Variants in HEPH observed in about 807,000 individuals in gnomAD.
HEPH encodes the protein hephaestin.
HEPH carries 69 observed loss-of-function variants against 80.8 expected under a neutral mutation model. The ratio of observed to expected loss-of-function variants is 0.85; its 90% confidence interval spans 0.70 to 1.04. The LOEUF (loss-of-function observed/expected upper bound fraction) is 1.04. HEPH is among the 50% of genes least tolerant of loss of function. The pLI is 0.00. For missense variants in HEPH, 1,115 were observed against 891.3 expected, an observed-to-expected ratio of 1.25 and a Z score of -3.20; for synonymous variants, 431 against 322.8, an observed-to-expected ratio of 1.34 and a Z score of -3.60.
intron 11 of HEPH, among the ~76,000 whole-genome samples, chrX:66,199,753 T>G (rs2088320159): frequency 9.0e-6 from 1 of 111,075 alleles, no homozygotes; most frequent in Admixed American, 9.6e-5. Flanking sequence ...GAAGAGAGAG[T>G]AAAGTATAGC....
At chrX:66,233,629 T>A (rs373642580) in intron 15 of HEPH, among the ~76,000 whole-genome samples, 37 of 110,899 alleles carry the variant, frequency 3.3e-4, no homozygotes, top group East Asian at 1.4e-3. Context: ...TTTAAGTAAC[T>A]CAGTGAAGAA....
At chrX:66,231,609 A>G (rs1487357011) in intron 15 of HEPH, among the ~76,000 whole-genome samples, 6 of 109,318 alleles carry the variant, frequency 5.5e-5, no homozygotes, top group Non-Finnish European at 9.5e-5. Context: ...AATGTTTGTG[A>G]TTTTTGTACA....
At chrX:66,247,203 T>C (rs1307651346) in intron 15 of HEPH, among the ~76,000 whole-genome samples, 1 of 110,811 alleles carries the variant, frequency 9.0e-6, no homozygotes, top group Non-Finnish European at 1.9e-5. Flanking sequence ...TGTGTAGATT[T>C]ACATGTTTTG....
chrX:66,195,058 C>G, intron 8 of HEPH, 40 bp from the exon 9 acceptor site: 1 of 1,089,108 alleles, frequency 9.2e-7, no homozygotes, highest in South Asian at 2.6e-5. Flanking sequence ...CCTGTTTATC[C>G]CTTTCATCAT....
At chrX:66,200,774 C>T (rs1015470269) in intron 12 of HEPH, 22 bp downstream of exon 12, 64 of 1,169,299 alleles carry the variant, frequency 5.5e-5, no homozygotes, top group Non-Finnish European at 6.4e-5. Context: ...AGCAGCTGGC[C>T]CTAGAGGCTT....
chrX:66,212,468 A>G (rs1237956940), intron 15 of HEPH, among the ~76,000 whole-genome samples: 1 of 111,267 alleles, frequency 9.0e-6, no homozygotes, highest in African/African-American at 3.3e-5. Flanking sequence ...ATAGCTTCAC[A>G]TATCCATCGT....
intron 15 of HEPH, among the ~76,000 whole-genome samples, chrX:66,218,791 C>T (rs1226858060): frequency 6.3e-5 from 7 of 110,237 alleles, no homozygotes; most frequent in African/African-American, 2.3e-4. Flanking sequence ...TAGAATGGAA[C>T]AGAACAGGAC....
chrX:66,215,087 G>C (rs1330990095), intron 15 of HEPH, among the ~76,000 whole-genome samples: 5 of 111,416 alleles, frequency 4.5e-5, no homozygotes, highest in African/African-American at 6.5e-5. Flanking sequence ...TTATTTGTTG[G>C]AATGGATTTC....
chrX:66,265,023 C>T (rs1474874579), intron 20 of HEPH, among the ~76,000 whole-genome samples: 1 of 109,614 alleles, frequency 9.1e-6, no homozygotes, highest in Non-Finnish European at 1.9e-5. Context: ...TAATAAAACT[C>T]AATAATTTTC....
At chrX:66,260,904 C>G (rs756162721) in intron 19 of HEPH, among the ~76,000 whole-genome samples, 29 of 110,633 alleles carry the variant, frequency 2.6e-4, no homozygotes, top group African/African-American at 8.9e-4. Flanking sequence ...GTAGCTGGGA[C>G]TGCAGGAATG....
At chrX:66,203,083 A>G (rs776627272) in intron 12 of HEPH, among the ~76,000 whole-genome samples, 10 of 109,407 alleles carry the variant, frequency 9.1e-5, no homozygotes, top group Admixed American at 8.8e-4. Flanking sequence ...CAGTGCTAAA[A>G]CTAGAAACAC....
At chrX:66,194,775 T>A (rs5964500) in intron 8 of HEPH, among the ~76,000 whole-genome samples, 42,871 of 110,080 alleles carry the variant, frequency 0.39, 9,550 homozygotes, top group African/African-American at 0.86. Flanking sequence ...CTGAATGGCT[T>A]ATCAACCATT....
At chrX:66,239,060 G>T (rs1478386212) in intron 15 of HEPH, among the ~76,000 whole-genome samples, 1 of 112,201 alleles carries the variant, frequency 8.9e-6, no homozygotes, top group African/African-American at 3.2e-5. Flanking sequence ...TTCCAATGTG[G>T]GTGTTATGGC....
chrX:66,261,348 T>C (rs1602574321), intron 19 of HEPH, among the ~76,000 whole-genome samples: 1 of 111,628 alleles, frequency 9.0e-6, no homozygotes, highest in African/African-American at 3.2e-5. Flanking sequence ...GACAATTTCT[T>C]TACCAGCCAC....
chrX:66,259,134 G>A (rs1028337475), intron 18 of HEPH, among the ~76,000 whole-genome samples, 155 bp downstream of exon 18: 8 of 112,169 alleles, frequency 7.1e-5, no homozygotes, highest in African/African-American at 2.6e-4. Flanking sequence ...TAGTCTGGCT[G>A]TATATCCTAG....
intron 15 of HEPH, among the ~76,000 whole-genome samples, chrX:66,247,568 T>C (rs887633662): frequency 4.5e-5 from 5 of 111,522 alleles, no homozygotes; most frequent in Non-Finnish European, 9.4e-5. Context: ...TGGTTTTAAG[T>C]TTTTCTTTAC....
chrX:66,208,179 C>T lies in HEPH; in HGVS notation c.2496C>T (p.Arg832=), dbSNP rs2088899457. Residue 832 remains arginine, a synonymous_variant, in exon 15 of 21, where the codon CGC becomes CGT. Transcript: ENST00000343002. ...LTVVFKNNAS[R]PYSVHAHGVL... is the part of the protein sequence containing the mutation. ...TGGTATTCAAGAATAATGCCAGCCG[C>T]CCCTACTCTGTGCATGCTCATGGAG... 1.7e-6 allele frequency: 2 copies of T among 1,207,108 alleles called. No homozygotes were observed. Among genetic ancestry groups the T allele is most frequent in the South Asian group, 3.5e-5 (2 of 56,651 alleles).
chrX:66,196,934 G>A (rs2088135532), intron 9 of HEPH, among the ~76,000 whole-genome samples: 1 of 107,176 alleles, frequency 9.3e-6, no homozygotes, highest in East Asian at 2.9e-4. Context: ...TTTTTTTCAA[G>A]TGTTATTCCC....
intron 19 of HEPH, among the ~76,000 whole-genome samples, chrX:66,263,278 T>C (rs988069945): frequency 2.5e-4 from 28 of 111,485 alleles, no homozygotes; most frequent in Admixed American, 1.2e-3. Context: ...TCTGAGAAGA[T>C]GTTGAATGTG....
Sources: allele counts gnomAD v4.1 joint callset (sites outside exome capture counted in the v4.1 genomes callset), GRCh38; gene constraint gnomAD v4.1.1; transcripts MANE v1.5; gene names NCBI Gene and HGNC (gene_info 2026-07-23, HGNC 2026-07-21).